Variants in LIMCH1 observed in about 807,000 individuals in gnomAD.
The protein encoded by LIMCH1 is LIM and calponin homology domains-containing protein 1.
LIMCH1 carries 113 observed loss-of-function variants against 176.5 expected under a neutral mutation model. That is an observed-to-expected ratio of 0.64 (90% CI 0.55 to 0.75). LIMCH1 has a LOEUF of 0.75. LIMCH1 is among the 30% of genes least tolerant of loss of function. The pLI is 0.00. For synonymous variants in LIMCH1, 619 were observed against 645.9 expected (o/e 0.96, Z 0.63); for missense variants, 1,674 against 1,814.9 (o/e 0.92, Z 1.41).
At chr4:41,602,700 C>T (rs972892086) in intron 2 of LIMCH1, among the ~76,000 whole-genome samples, 4 of 151,756 alleles carry the variant, frequency 2.6e-5, no homozygotes, top group South Asian at 2.1e-4. Context: ...CCCAGCTATT[C>T]GGGAGGCTGA....
At chr4:41,685,091 A>C (rs776217160) in intron 27 of LIMCH1, among the ~76,000 whole-genome samples, 4 of 152,210 alleles carry the variant, frequency 2.6e-5, no homozygotes, top group Non-Finnish European at 5.9e-5. Flanking sequence ...AAAGAGGAGG[A>C]GTGAGCTAAG....
At chr4:41,603,741 C>T (rs2090307334) in intron 2 of LIMCH1, 134 bp from the exon 3 acceptor site, 5 of 580,146 alleles carry the variant, frequency 8.6e-6, no homozygotes, top group Middle Eastern at 4.4e-4. Context: ...AAAACTTAAG[C>T]CTTAAAAAAT....
intron 3 of LIMCH1, chr4:41,524,493 T>G: frequency 6.3e-7 from 1 of 1,587,358 alleles, no homozygotes; most frequent in Non-Finnish European, 8.6e-7. Context: ...GTACGTGGAA[T>G]TGAGATTTAT....
intron 1 of LIMCH1, among the ~76,000 whole-genome samples, chr4:41,562,926 C>A (rs2082247006): frequency 6.6e-6 from 1 of 152,032 alleles, no homozygotes; most frequent in African/African-American, 2.4e-5. Flanking sequence ...GTACACTGGG[C>A]AGAATGTTAT....
At chr4:41,575,498 T>C (rs1238259405) in intron 1 of LIMCH1, among the ~76,000 whole-genome samples, 1 of 152,192 alleles carries the variant, frequency 6.6e-6, no homozygotes, top group Non-Finnish European at 1.5e-5. Context: ...AAAGTGCTCA[T>C]AGAAATCTTC....
chr4:41,564,046 G>A (rs2082397577), intron 1 of LIMCH1, among the ~76,000 whole-genome samples: 1 of 152,124 alleles, frequency 6.6e-6, no homozygotes, highest in African/African-American at 2.4e-5. Context: ...ACTTACCCTA[G>A]GCTCATCAGC....
In LIMCH1 at chr4:41,689,507, A is replaced by C; in HGVS notation, c.4167-20A>C. 7.5e-7 allele frequency: 1 copy of C among 1,326,684 alleles called. No individual in the cohort carries two copies. Among genetic ancestry groups the C allele is most frequent in the Non-Finnish European group, 1.1e-6 (1 of 918,488 alleles). The allele number at this position is 1,326,684 out of a possible 1,614,324, so 82.2% of individuals were successfully genotyped here. ...ATTCTAAACTGAAGTTTTTATTCTT[A>C]TGTATATTTTTAAACCTAGGTCTAT... On this transcript the variant is annotated intron_variant, in intron 29 of 31. Transcript: ENST00000503057.
intron 1 of LIMCH1, among the ~76,000 whole-genome samples, chr4:41,436,651 C>A (rs959885539): frequency 1.3e-5 from 2 of 152,108 alleles, no homozygotes; most frequent in Non-Finnish European, 2.9e-5. Flanking sequence ...GCTGTCAGGA[C>A]TGGAGACAGA....
At position 41,666,566 on chromosome 4, in the gene LIMCH1, A is replaced by G. The variant is rs770020453; in HGVS notation, c.3297A>G (p.Val1099=). ...KVELVLSQKV[V]KPKSPEPEAT... ...ACCTGTTTTCCATTGTCCAGGTGGT[A>G]AAGCCAAAATCTCCAGAACCCGAAG... Residue 1099 remains valine, a synonymous_variant, in exon 21 of 32, where the codon GTA becomes GTG. Coordinates refer to ENST00000503057, the MANE Select transcript of LIMCH1 (RefSeq NM_001330672.2). 4 of 1,613,152 alleles carry G rather than the reference A, an allele frequency of 2.5e-6. No homozygotes were observed. The Admixed American group carries it at 6.7e-5, about 27-fold the overall frequency.
chr4:41,622,990 C>T (rs942202693), intron 7 of LIMCH1, among the ~76,000 whole-genome samples: 1 of 152,184 alleles, frequency 6.6e-6, no homozygotes, highest in Non-Finnish European at 1.5e-5. Context: ...TTTCAGCTGC[C>T]AGCCAGCGCT....
upstream of LIMCH1, among the ~76,000 whole-genome samples, chr4:41,536,730 A>C (rs935757259): frequency 1.3e-5 from 2 of 152,212 alleles, no homozygotes; most frequent in Non-Finnish European, 2.9e-5. Context: ...CAAAACTGTC[A>C]AGGCCATCAA....
At position 41,395,565 on chromosome 4, in the gene LIMCH1, A is replaced by G. The variant is rs182644239; in HGVS notation, c.96+34629A>G. On this transcript the variant is annotated intron_variant, in intron 1 of 26. Transcript: ENST00000313860. ...GCCGAATATTTTTAGTGATAGTATA[A>G]TTGTGTTTACTTTTGGCCTCATGAG... Among the ~76,000 whole-genome samples the G allele has an allele frequency of 1.7e-4, 26 of 152,138 alleles. 1 individual carries two copies. In the East Asian group the frequency reaches 4.6e-3, roughly 27 times the overall value.
rs143716419 is a variant in LIMCH1, at chr4:41,567,193, C to T, written c.-241+28843C>T. On this transcript the variant is annotated intron_variant, in intron 1 of 31. Transcript: ENST00000503057. ...ACCTGCTTGGATTTGAACCCTGTCT[C>T]GTCACTTGCTGTGCATACATGCTGA... is the stretch of plus-strand genomic sequence containing the variant. Among the ~76,000 whole-genome samples, 44 of 152,276 alleles carry T rather than the reference C, an allele frequency of 2.9e-4. No individual in the cohort carries two copies. The East Asian group carries it at 4.8e-3, about 17-fold the overall frequency.
In LIMCH1 at chr4:41,646,299, C is replaced by T. The variant is rs780651196; in HGVS notation, c.2411+19C>T. The T allele has an allele frequency of 9.4e-6, 15 of 1,590,800 alleles. No homozygotes were observed. The highest frequency in any genetic ancestry group is 7.4e-5 in the Admixed American group (4 of 54,156). On this transcript the variant is annotated intron_variant, in intron 16 of 31. Transcript: ENST00000503057. Reference sequence around the variant, plus strand: ...AAGAAAAGTGAGTTCTTTCTGTTGTCGTTTTTAATGTACAATATTATCTAG... The same window carrying T: ...AAGAAAAGTGAGTTCTTTCTGTTGTTGTTTTTAATGTACAATATTATCTAG...
intron 1 of LIMCH1, among the ~76,000 whole-genome samples, chr4:41,596,054 A>G: frequency 7.0e-6 from 1 of 143,764 alleles, no homozygotes; most frequent in African/African-American, 2.9e-5. Flanking sequence ...ATCTCAAAAA[A>G]AAAAAAATAA....
Position 41,503,318 on chromosome 4 carries a change from G to A in LIMCH1, c.167+8712G>A, listed in dbSNP as rs946722008. On this transcript the variant is annotated intron_variant, in intron 2 of 26. Transcript: ENST00000313860. ...CTTGGAGCCAGGACGTAGCATGGGC[G>A]CTCTCCACAGTCTGCCCTACCCTAC... Among the ~76,000 whole-genome samples the A allele has an allele frequency of 3.3e-5, 5 of 152,124 alleles. No homozygotes were observed. The South Asian group carries it at 6.2e-4, about 19-fold the overall frequency.
chr4:41,457,113 C>T (rs1031970647), intron 1 of LIMCH1, among the ~76,000 whole-genome samples: 1 of 152,158 alleles, frequency 6.6e-6, no homozygotes, highest in Non-Finnish European at 1.5e-5. Flanking sequence ...TGCACGTGTG[C>T]TCTCTACAGT....
At chr4:41,587,967 G>A (rs545958890) in intron 1 of LIMCH1, among the ~76,000 whole-genome samples, 18 of 151,520 alleles carry the variant, frequency 1.2e-4, no homozygotes, top group African/African-American at 4.4e-4. Flanking sequence ...TAAGTTTTAG[G>A]GTACATGTGC....
At chr4:41,671,057 T>TA in intron 21 of LIMCH1, 21 of 820,542 alleles carry the variant, frequency 2.6e-5, no homozygotes, top group Middle Eastern at 6.4e-4. Context: ...TCCCCTGCCT[T>TA]TAAAAAAAAA....
Sources: allele counts gnomAD v4.1 joint callset (sites outside exome capture counted in the v4.1 genomes callset), GRCh38; gene constraint gnomAD v4.1.1; transcripts MANE v1.5; gene names NCBI Gene and HGNC (gene_info 2026-07-23, HGNC 2026-07-21).